SLC66A2: variants seen among roughly 807,000 people sequenced by gnomAD.
SLC66A2 encodes PQ loop repeat containing 1.
In SLC66A2, 23 loss-of-function variants were observed where a neutral mutation model predicts 25.5. The observed-to-expected ratio is 0.90, with a 90% CI of 0.65 to 1.28. The LOEUF (loss-of-function observed/expected upper bound fraction) is 1.28, where lower values mean the gene tolerates loss of function less well. Among genes scored for constraint, SLC66A2 ranks in the 50% most tolerant of loss-of-function variants. The probability of loss-of-function intolerance (pLI) is 0.00; values close to 1 mark genes in which losing one functional copy is unlikely to be tolerated. For synonymous variants in SLC66A2, 193 were observed against 166.5 expected, an observed-to-expected ratio of 1.16 and a Z score of -1.23; for missense variants, 396 against 373.1, an observed-to-expected ratio of 1.06 and a Z score of -0.51.
At chr18:79,910,230 C>A (rs1982871253) in intron 5 of SLC66A2, among the ~76,000 whole-genome samples, 1 of 115,440 alleles carries the variant, frequency 8.7e-6, no homozygotes, top group Non-Finnish European at 1.7e-5. Context: ...TTCCCCACAT[C>A]CTCACCATAG....
At chr18:79,912,184 C>CGGCAGCAGGGAG (rs1983327678) in intron 5 of SLC66A2, among the ~76,000 whole-genome samples, 1 of 151,688 alleles carries the variant, frequency 6.6e-6, no homozygotes, top group African/African-American at 2.4e-5. Context: ...AGGGAGGGGA[C>CGGCAGCAGGGAG]GGAAAACAGG....
intron 2 of SLC66A2, among the ~76,000 whole-genome samples, chr18:79,949,097 G>GT (rs2051029492): frequency 6.6e-6 from 1 of 152,148 alleles, no homozygotes; most frequent in Non-Finnish European, 1.5e-5. Flanking sequence ...CTCCGAGGTC[G>GT]TTGCAGGGGA....
rs149162966 is a variant in SLC66A2 at position 79,922,374 on chromosome 18, C to T, written c.392-2974G>A. Among the ~76,000 whole-genome samples, 203 of 152,058 alleles carry T rather than the reference C, an allele frequency of 1.3e-3. 1 individual carries two copies. The highest frequency in any genetic ancestry group is 4.2e-3 in the African/African-American group (174 of 41,488). On this transcript the variant is annotated intron_variant, in intron 4 of 5. Coordinates refer to ENST00000397778, the MANE Select transcript of SLC66A2 (RefSeq NM_025078.5). ...AGGGAGTGCCCTGCACTGGATCTGA[C>T]GCCTGGGTTAGGGGCGCAGCCCCCC...
chr18:79,925,561 C>T (rs536480084), intron 4 of SLC66A2, among the ~76,000 whole-genome samples: 1 of 152,248 alleles, frequency 6.6e-6, no homozygotes, highest in Non-Finnish European at 1.5e-5. Flanking sequence ...AAGCTTCCGT[C>T]GCACGGGCGT....
chr18:79,915,638 C>T (rs1387792126), intron 5 of SLC66A2: 1 of 152,234 alleles, frequency 6.6e-6, no homozygotes, highest in East Asian at 1.9e-4. Flanking sequence ...AGAGGCCAAG[C>T]CTCCTGTGGC....
Position 79,950,987 on chromosome 18 carries a change from T to G in SLC66A2, c.-61A>C. ...CGCGCCCCGCGGGCCACCGGCCGCC[T>G]GCTCATCGCCGCTCCGCGCGCTCCT... On this transcript the variant is annotated 5_prime_UTR_variant, in exon 2 of 6. Transcript: ENST00000397778. 1 of 1,313,198 alleles carries G rather than the reference T, an allele frequency of 7.6e-7. No homozygotes were observed. Among genetic ancestry groups the G allele is most frequent in the South Asian group, 1.6e-5 (1 of 61,446 alleles). The allele number at this position is 1,313,198 out of a possible 1,614,324, so 81.3% of individuals were successfully genotyped here.
intron 5 of SLC66A2, among the ~76,000 whole-genome samples, chr18:79,913,286 T>C (rs1047823833): frequency 6.6e-6 from 1 of 152,082 alleles, no homozygotes; most frequent in Non-Finnish European, 1.5e-5. Context: ...TTCAGGCTCC[T>C]CCCCATCTGT....
intron 3 of SLC66A2, among the ~76,000 whole-genome samples, chr18:79,935,927 C>A (rs1419923826): frequency 1.3e-5 from 2 of 152,240 alleles, no homozygotes; most frequent in African/African-American, 4.8e-5. Context: ...GCCCAAAATG[C>A]ACTCACAAGC....
In SLC66A2 at chr18:79,903,820, A is replaced by T; in HGVS notation, c.*156T>A. The T allele has an allele frequency of 2.0e-6, 1 of 492,884 alleles. No individual in the cohort carries two copies. Among genetic ancestry groups the T allele is most frequent in the East Asian group, 4.3e-5 (1 of 23,264 alleles). The allele number at this position is 492,884 out of a possible 1,614,324, so 30.5% of individuals were successfully genotyped here. On this transcript the variant is annotated 3_prime_UTR_variant, in exon 6 of 6. Coordinates refer to ENST00000397778, the MANE Select transcript of SLC66A2 (RefSeq NM_025078.5). ...CGTCCCAGCCCCACCCCCACTGCCC[A>T]CCCTGAGACACCCCACAGAGGCTGA...
At chr18:79,936,899 C>T (rs1028610598) in intron 3 of SLC66A2, among the ~76,000 whole-genome samples, 3 of 152,102 alleles carry the variant, frequency 2.0e-5, no homozygotes, top group Non-Finnish European at 1.5e-5. Context: ...ACCGGGAGGC[C>T]GGCGCTGGCA....
At position 79,918,324 on chromosome 18, in the gene SLC66A2, T is replaced by C. The variant is rs1161019433; in HGVS notation, c.608+860A>G. Among the ~76,000 whole-genome samples the C allele has an allele frequency of 6.6e-6, 1 of 151,876 alleles. No homozygotes were observed. The highest frequency in any genetic ancestry group is 1.9e-4 in the East Asian group (1 of 5,164). On this transcript the variant is annotated intron_variant, in intron 5 of 5. Coordinates refer to ENST00000397778, the MANE Select transcript of SLC66A2 (RefSeq NM_025078.5). This position sits in a 1 kb window ranked among gnomAD's most constrained non-coding sequence, Gnocchi z 4.0. ...CCCTCCAAATCACAGCCTCAGCATC[T>C]GTATTGGAGACCAGACTCAAGCAAC...
At chr18:79,931,643 A>C (rs1174372010) in intron 4 of SLC66A2, among the ~76,000 whole-genome samples, 1 of 152,222 alleles carries the variant, frequency 6.6e-6, no homozygotes, top group African/African-American at 2.4e-5. Context: ...CCTTCACCCA[A>C]CCACAGCAAA....
At chr18:79,923,218 T>A (rs1018160311) in intron 4 of SLC66A2, among the ~76,000 whole-genome samples, 2 of 25,106 alleles carry the variant, frequency 8.0e-5, no homozygotes, top group Non-Finnish European at 1.6e-4. Flanking sequence ...CTGTGGACGG[T>A]GAGGGGGTGG....
In SLC66A2 at chr18:79,927,820, C is replaced by T. The variant is rs897248256; in HGVS notation, c.391+6149G>A. Among the ~76,000 whole-genome samples, 7 of 152,220 alleles carry T rather than the reference C, an allele frequency of 4.6e-5. No homozygotes were observed. Among genetic ancestry groups the T allele is most frequent in the Non-Finnish European group, 8.8e-5 (6 of 68,044 alleles). ...TCAAGCAACTGCCGAGACAGGTGTCCGCGTCCCAACCCAAGGCTGCCCAGA... is the reference window on the plus strand; with the variant it reads ...TCAAGCAACTGCCGAGACAGGTGTCTGCGTCCCAACCCAAGGCTGCCCAGA... On this transcript the variant is annotated intron_variant, in intron 4 of 5. Transcript: ENST00000397778. This position sits in a 1 kb window ranked among gnomAD's most constrained non-coding sequence, Gnocchi z 6.2.
intron 3 of SLC66A2, among the ~76,000 whole-genome samples, chr18:79,942,236 A>C (rs1251282715): frequency 1.3e-5 from 2 of 152,214 alleles, no homozygotes; most frequent in Non-Finnish European, 2.9e-5. Flanking sequence ...CAGAGCAGAG[A>C]CTCAGAGGAG....
Position 79,931,792 on chromosome 18 carries a change from G to A in SLC66A2, c.391+2177C>T, listed in dbSNP as rs575083794. Among the ~76,000 whole-genome samples, 4 of 152,174 alleles carry A rather than the reference G, an allele frequency of 2.6e-5. No individual in the cohort carries two copies. In the East Asian group the frequency reaches 7.7e-4, roughly 29 times the overall value. The stretch of plus-strand genomic sequence containing the variant: ...CTTTGGGAGGCTGTGGTGGGTGGGT[G>A]CCCTGAGCTCTGGAGTTTGAGACCA... On this transcript the variant is annotated intron_variant, in intron 4 of 5. Coordinates refer to ENST00000397778, the MANE Select transcript of SLC66A2 (RefSeq NM_025078.5).
At chr18:79,934,130 A>T (rs1599616838) in intron 3 of SLC66A2, 108 bp from the exon 4 acceptor site, 7 of 208,824 alleles carry the variant, frequency 3.4e-5, no homozygotes, top group East Asian at 1.4e-4. Flanking sequence ...CATTTCTTTA[A>T]AAAAAAAAAA....
At chr18:79,908,703 A>T (rs545148680) in intron 5 of SLC66A2, among the ~76,000 whole-genome samples, 2 of 152,240 alleles carry the variant, frequency 1.3e-5, no homozygotes, top group Admixed American at 6.5e-5. Context: ...ACTGTTTTTC[A>T]ATTGCTTCCT....
chr18:79,932,110 T>C (rs569527430), intron 4 of SLC66A2, among the ~76,000 whole-genome samples: 32 of 152,312 alleles, frequency 2.1e-4, no homozygotes, highest in Non-Finnish European at 3.5e-4. Context: ...TTTTGGGATA[T>C]TCACAAATAT....
Sources: allele counts gnomAD v4.1 joint callset (sites outside exome capture counted in the v4.1 genomes callset), GRCh38; gene constraint gnomAD v4.1.1; non-coding constraint Gnocchi (gnomAD v3.1); transcripts MANE v1.5; gene names NCBI Gene and HGNC (gene_info 2026-07-23, HGNC 2026-07-21).